ADTRP: variants seen among roughly 807,000 people sequenced by gnomAD.
ADTRP encodes androgen dependent TFPI regulating protein.
In ADTRP, 20 loss-of-function variants were observed where a neutral mutation model predicts 27.0. The ratio of observed to expected loss-of-function variants is 0.74; its 90% confidence interval spans 0.52 to 1.08. The LOEUF (loss-of-function observed/expected upper bound fraction) is 1.08. Among genes scored for constraint, ADTRP ranks in the 50% least tolerant of loss-of-function variants. ADTRP has a pLI of 0.00. For missense variants in ADTRP, 251 were observed against 275.0 expected, an observed-to-expected ratio of 0.91 and a Z score of 0.62; for synonymous variants, 101 against 105.2, an observed-to-expected ratio of 0.96 and a Z score of 0.25.
chr6:11,759,427 GTA>G (rs1253829552), intron 3 of ADTRP, among the ~76,000 whole-genome samples: 2 of 152,002 alleles, frequency 1.3e-5, no homozygotes, highest in Admixed American at 6.5e-5. Flanking sequence ...CTTTGCATCT[GTA>G]TCATACAATC....
At chr6:11,778,549 G>A (rs1375900767) in intron 1 of ADTRP, 58 bp downstream of exon 1, 31 of 1,550,644 alleles carry the variant, frequency 2.0e-5, no homozygotes, top group Non-Finnish European at 2.7e-5. Flanking sequence ...TGATATGTGT[G>A]GCAGCACTGA....
At chr6:11,719,513 C>T (rs1369118708) in intron 5 of ADTRP, among the ~76,000 whole-genome samples, 1 of 152,198 alleles carries the variant, frequency 6.6e-6, no homozygotes, top group Admixed American at 6.5e-5. Flanking sequence ...ATTTTTTAAA[C>T]TTCCCTAGTG....
At chr6:11,766,915 C>T (rs1197708421) in intron 2 of ADTRP, among the ~76,000 whole-genome samples, 5 of 152,222 alleles carry the variant, frequency 3.3e-5, no homozygotes, top group Non-Finnish European at 5.9e-5. Flanking sequence ...TCCTCTTGTA[C>T]TCCTTGCCTC....
At chr6:11,731,389 T>C (rs1250889703) in intron 4 of ADTRP, among the ~76,000 whole-genome samples, 2 of 152,220 alleles carry the variant, frequency 1.3e-5, no homozygotes, top group African/African-American at 2.4e-5. Flanking sequence ...TTACAAATAC[T>C]GCTCACCCTT....
At chr6:11,769,660 C>T (rs1048594332) in intron 1 of ADTRP, among the ~76,000 whole-genome samples, 9 of 151,622 alleles carry the variant, frequency 5.9e-5, no homozygotes, top group African/African-American at 1.2e-4. Flanking sequence ...GCTGATTACC[C>T]GGGTCACAAA....
At chr6:11,725,178 G>A (rs1385991491) in intron 4 of ADTRP, among the ~76,000 whole-genome samples, 4 of 152,202 alleles carry the variant, frequency 2.6e-5, no homozygotes, top group Non-Finnish European at 5.9e-5. Flanking sequence ...GCCCTAGGGT[G>A]TAAAACTTAA....
chr6:11,720,227 GCTAT>G (rs1250522616), intron 5 of ADTRP, among the ~76,000 whole-genome samples: 2 of 152,220 alleles, frequency 1.3e-5, no homozygotes, highest in Non-Finnish European at 2.9e-5. Context: ...AGAATACGTG[GCTAT>G]CTATAAGTTT....
chr6:11,764,849 C>A (rs561524678), intron 3 of ADTRP, among the ~76,000 whole-genome samples: 2 of 146,634 alleles, frequency 1.4e-5, no homozygotes, highest in African/African-American at 5.1e-5. Context: ...TTAAATGAGC[C>A]CATACCTGAA....
chr6:11,751,344 T>A (rs1042365884), intron 3 of ADTRP, among the ~76,000 whole-genome samples: 1 of 152,234 alleles, frequency 6.6e-6, no homozygotes, highest in Non-Finnish European at 1.5e-5. Context: ...GGATAGTGTC[T>A]TACCATGGAT....
intron 3 of ADTRP, among the ~76,000 whole-genome samples, chr6:11,757,546 C>T (rs1763252396): frequency 6.6e-6 from 1 of 152,120 alleles, no homozygotes; most frequent in Non-Finnish European, 1.5e-5. Context: ...AGAATGTTAC[C>T]TCATTTGGAA....
At position 11,748,292 on chromosome 6, in the gene ADTRP, C is replaced by T. The variant is rs74778721; in HGVS notation, c.391-12609G>A. ...ACAGTGTCAGCTACAGACGCTGACA[C>T]TTGGGTTGCTAAAGGCTTTCCCTCT... On this transcript the variant is annotated intron_variant, in intron 3 of 5. Transcript: ENST00000414691. Among the ~76,000 whole-genome samples, 943 of 152,300 alleles carry T rather than the reference C, an allele frequency of 6.2e-3. 12 individuals carry two copies. Among genetic ancestry groups the T allele is most frequent in the African/African-American group, 0.021 (885 of 41,560 alleles).
chr6:11,734,606 ACAG>A (rs1201674029), intron 4 of ADTRP, among the ~76,000 whole-genome samples: 9 of 152,130 alleles, frequency 5.9e-5, no homozygotes, highest in Admixed American at 4.6e-4. Flanking sequence ...TAGGGAGAAA[ACAG>A]CAGATGAGGT....
At chr6:11,724,282 A>G (rs1345181599) in intron 4 of ADTRP, among the ~76,000 whole-genome samples, 6 of 152,146 alleles carry the variant, frequency 3.9e-5, no homozygotes, top group South Asian at 4.1e-4. Context: ...TAGCTCTCCA[A>G]GTCTGCGGGG....
chr6:11,751,657 T>A (rs1324805999), intron 3 of ADTRP, among the ~76,000 whole-genome samples: 1 of 152,220 alleles, frequency 6.6e-6, no homozygotes, highest in African/African-American at 2.4e-5. Context: ...CAAATTCTTT[T>A]CCATTGCTTT....
At chr6:11,727,913 A>AGAAG (rs60955508) in intron 4 of ADTRP, among the ~76,000 whole-genome samples, 5 of 134,818 alleles carry the variant, frequency 3.7e-5, no homozygotes, top group African/African-American at 8.1e-5. Flanking sequence ...AGGGGAAAGA[A>AGAAG]GAAGGAAGGA....
chr6:11,732,633 A>C (rs370205822), intron 4 of ADTRP, among the ~76,000 whole-genome samples: 31 of 152,342 alleles, frequency 2.0e-4, no homozygotes, highest in East Asian at 1.4e-3. Context: ...TGTTCTAGCA[A>C]AAATGGGGCT....
chr6:11,726,247 G>A (rs919648097), intron 4 of ADTRP, among the ~76,000 whole-genome samples: 1 of 152,170 alleles, frequency 6.6e-6, no homozygotes, highest in Non-Finnish European at 1.5e-5. Flanking sequence ...GAGGCAGCGG[G>A]GAATGCTATC....
intron 3 of ADTRP, among the ~76,000 whole-genome samples, chr6:11,762,390 T>C (rs1412821065): frequency 6.6e-6 from 1 of 152,222 alleles, no homozygotes; most frequent in Non-Finnish European, 1.5e-5. Context: ...AGATTTAAGA[T>C]TGCTAGATGT....
At chr6:11,728,621 C>T (rs937859926) in intron 4 of ADTRP, 2 of 152,300 alleles carry the variant, frequency 1.3e-5, no homozygotes, top group Non-Finnish European at 2.9e-5. Context: ...CCAGGTGCTT[C>T]CTCCACCCTG....
Sources: gnomAD v4.1 joint callset for allele counts (sites outside exome capture counted in the v4.1 genomes callset) on GRCh38, gnomAD v4.1.1 for gene constraint, MANE v1.5 for transcripts, NCBI Gene and HGNC (gene_info 2026-07-23, HGNC 2026-07-21) for gene names.